The following S100Z variants were observed in gnomAD, a reference collection of about 807,000 sequenced individuals.
The protein encoded by S100Z is protein S100-Z.
S100Z carries 11 observed loss-of-function variants against 8.5 expected under a neutral mutation model. The ratio of observed to expected loss-of-function variants is 1.30; its 90% CI spans 0.82 to 2.15. The LOEUF is 2.15. Among genes scored for constraint, S100Z ranks in the 30% most tolerant of loss-of-function variants. S100Z has a pLI of 0.00. For synonymous variants in S100Z, 34 were observed against 43.8 expected (o/e 0.78, Z 0.89); for missense variants, 126 against 117.9 (o/e 1.07, Z -0.32).
chr5:76,912,483 G>T (rs183758555), intron 4 of S100Z, among the ~76,000 whole-genome samples: 31 of 152,326 alleles, frequency 2.0e-4, no homozygotes, highest in Non-Finnish European at 4.3e-4. Flanking sequence ...GTACTTGAAA[G>T]TAAGCCTCTT....
chr5:76,901,541 A>T (rs1744225582), intron 4 of S100Z, among the ~76,000 whole-genome samples: 1 of 152,164 alleles, frequency 6.6e-6, no homozygotes, highest in Non-Finnish European at 1.5e-5. Flanking sequence ...ACTACCACCA[A>T]TGTTCCCTTA....
At chr5:76,867,146 T>C (rs1742782652) in intron 1 of S100Z, among the ~76,000 whole-genome samples, 1 of 152,174 alleles carries the variant, frequency 6.6e-6, no homozygotes, top group Non-Finnish European at 1.5e-5. Flanking sequence ...ATACACACTT[T>C]GGTAAGTTTG....
At chr5:76,854,363 T>G (rs190708056) in intron 1 of S100Z, among the ~76,000 whole-genome samples, 4 of 152,310 alleles carry the variant, frequency 2.6e-5, no homozygotes, top group Non-Finnish European at 5.9e-5. Context: ...ACCAAAATGC[T>G]GATAGTAATA....
intron 2 of S100Z, among the ~76,000 whole-genome samples, 162 bp downstream of exon 2, chr5:76,870,446 A>T (rs936422874): frequency 3.3e-5 from 5 of 152,174 alleles, no homozygotes; most frequent in African/African-American, 1.2e-4. Context: ...CTTTGCATGT[A>T]GTGAACCCCC....
chr5:76,928,851 C>G, the S100Z span, among the ~76,000 whole-genome samples: 1 of 152,238 alleles, frequency 6.6e-6, no homozygotes, highest in Non-Finnish European at 1.5e-5. Flanking sequence ...GCAATTCCCC[C>G]ACCTCAGCCT....
chr5:76,926,112 TG>T (rs1745132429), downstream of S100Z, among the ~76,000 whole-genome samples: 1 of 152,080 alleles, frequency 6.6e-6, no homozygotes, highest in African/African-American at 2.4e-5. Flanking sequence ...GAGCAGAGGA[TG>T]GTTTAGATAC....
chr5:76,888,341 T>C (rs1487211475), intron 4 of S100Z, among the ~76,000 whole-genome samples: 2 of 150,346 alleles, frequency 1.3e-5, no homozygotes, highest in African/African-American at 4.9e-5. Context: ...TTTCTTTTTT[T>C]TTTTTTTTCC....
intron 4 of S100Z, 84 bp downstream of exon 4, chr5:76,877,918 C>A: frequency 1.2e-6 from 1 of 813,690 alleles, no homozygotes; most frequent in Non-Finnish European, 2.0e-6. Flanking sequence ...ATCTATAGAC[C>A]CAGTAATGTC....
chr5:76,891,082 G>C (rs550512526), intron 4 of S100Z, among the ~76,000 whole-genome samples: 1 of 152,190 alleles, frequency 6.6e-6, no homozygotes, highest in East Asian at 1.9e-4. Flanking sequence ...GGCTAGTCTT[G>C]AACTCCTGAC....
At chr5:76,926,327 T>G (rs1642485571), downstream of S100Z, among the ~76,000 whole-genome samples, 2 of 152,180 alleles carry the variant, frequency 1.3e-5, no homozygotes, top group Non-Finnish European at 2.9e-5. Flanking sequence ...CTGATAATAC[T>G]CCAGGAAGAT....
At chr5:76,885,927 C>T (rs1399604836) in intron 4 of S100Z, among the ~76,000 whole-genome samples, 1 of 138,348 alleles carries the variant, frequency 7.2e-6, no homozygotes, top group Non-Finnish European at 1.5e-5. Context: ...GGGGTGCTTG[C>T]CTCCCAGGAA....
At chr5:76,915,757 A>C (rs1253035717) in intron 4 of S100Z, among the ~76,000 whole-genome samples, 2 of 152,228 alleles carry the variant, frequency 1.3e-5, no homozygotes, top group African/African-American at 4.8e-5. Flanking sequence ...AATGGATTAA[A>C]AACATGCCCT....
chr5:76,901,168 G>A (rs1249276112), intron 4 of S100Z, among the ~76,000 whole-genome samples: 1 of 152,184 alleles, frequency 6.6e-6, no homozygotes, highest in African/African-American at 2.4e-5. Flanking sequence ...ACTGTGCTGG[G>A]TCAAACCTGA....
chr5:76,948,285 C>T, the S100Z span, among the ~76,000 whole-genome samples: 1 of 151,718 alleles, frequency 6.6e-6, no homozygotes. Flanking sequence ...GAGATTATGC[C>T]ACAGCACTCC....
chr5:76,907,314 G>GT lies in S100Z; in HGVS notation c.*3-13396dup, dbSNP rs1168274015. 7.9e-5 allele frequency among the ~76,000 whole-genome samples: 12 copies of GT among 151,316 alleles called. No homozygotes were observed. In the East Asian group the frequency reaches 9.8e-4, roughly 12 times the overall value. On this transcript the variant is annotated intron_variant, in intron 4 of 4. Transcript: ENST00000317593. ...ACTATTGCTTTGTAGTAATTCTTTT[G>GT]TTTTTTTGAGACAGAGTCTAACTCT...
intron 4 of S100Z, among the ~76,000 whole-genome samples, chr5:76,900,273 T>G (rs1041670215): frequency 1.2e-4 from 18 of 152,192 alleles, no homozygotes; most frequent in African/African-American, 4.3e-4. Context: ...ATTGATATCT[T>G]TCTCTAAGTT....
At chr5:76,896,540 T>C (rs1041273660) in intron 4 of S100Z, among the ~76,000 whole-genome samples, 2 of 152,224 alleles carry the variant, frequency 1.3e-5, no homozygotes, top group Admixed American at 1.3e-4. Context: ...TTCTTTTGGG[T>C]ATATACTCAG....
intron 2 of S100Z, 66 bp from the exon 3 acceptor site, chr5:76,875,238 G>C (rs1320309): frequency 2.3e-6 from 2 of 880,314 alleles, no homozygotes; most frequent in East Asian, 5.6e-5. Flanking sequence ...GAGCTGACTC[G>C]GGGGATTGTA....
chr5:76,950,757 T>G, the S100Z span, among the ~76,000 whole-genome samples: 1 of 152,190 alleles, frequency 6.6e-6, no homozygotes. Context: ...TCCAGTTTGC[T>G]TGAACAAACA....
Sources: allele counts gnomAD v4.1 joint callset (sites outside exome capture counted in the v4.1 genomes callset), GRCh38; gene constraint gnomAD v4.1.1; transcripts MANE v1.5; gene names NCBI Gene and HGNC (gene_info 2026-07-23, HGNC 2026-07-21).